The following PSPH variants were observed in gnomAD, a reference collection of about 807,000 sequenced individuals.
PSPH encodes the protein phosphoserine phosphatase, also known as L-3-phosphoserine phosphatase.
In PSPH, 16 loss-of-function variants were observed where a neutral mutation model predicts 23.4. The observed-to-expected ratio is 0.68, with a 90% confidence interval of 0.46 to 1.04. The LOEUF is 1.04. Among genes scored for constraint, PSPH ranks in the 50% least tolerant of loss-of-function variants. The probability of loss-of-function intolerance (pLI) is 0.00; values close to 1 mark genes in which losing one functional copy is unlikely to be tolerated. For missense variants in PSPH, 223 were observed against 273.7 expected, an observed-to-expected ratio of 0.81 and a Z score of 1.31; for synonymous variants, 68 against 99.7, an observed-to-expected ratio of 0.68 and a Z score of 1.89.
At chr7:56,019,969 C>T (rs562927692) in intron 4 of PSPH, among the ~76,000 whole-genome samples, 3 of 93,026 alleles carry the variant, frequency 3.2e-5, no homozygotes, top group African/African-American at 2.9e-4. Flanking sequence ...TAATCCCAAA[C>T]ACTTTGGGAA....
At chr7:56,029,260 G>C (rs1428857397) in intron 3 of PSPH, among the ~76,000 whole-genome samples, 10 of 152,112 alleles carry the variant, frequency 6.6e-5, no homozygotes, top group Admixed American at 5.3e-4. Context: ...TCCACACACA[G>C]AAAAATCATT....
At chr7:56,039,437 A>T (rs571330751) in intron 1 of PSPH, among the ~76,000 whole-genome samples, 1 of 152,226 alleles carries the variant, frequency 6.6e-6, no homozygotes, top group East Asian at 1.9e-4. Context: ...TGTGTGTATA[A>T]AATATTTGCT....
rs1169358039 is a variant in PSPH, at chr7:56,011,833, GC to G, written c.606del (p.Arg202SerfsTer16). On this transcript the variant is annotated frameshift_variant, in exon 8 of 8. Transcript: ENST00000275605. LOFTEE classifies it high-confidence loss of function. ...CATTTGGCGTTATCCTTGACTTGTTGCCTGATCACATTTCCTCCAAATCCAA... is the reference window on the plus strand; with the variant it reads ...CATTTGGCGTTATCCTTGACTTGTTGCTGATCACATTTCCTCCAAATCCAA... ...AFIGFGGNVI[R>X]QQVKDNAKWY... The G allele has an allele frequency of 3.7e-6, 6 of 1,612,974 alleles. No homozygotes were observed. The African/African-American group carries it at 8.0e-5, about 22-fold the overall frequency.
chr7:56,011,768 T>C lies in PSPH; in HGVS notation c.672A>G (p.Glu224=), dbSNP rs771211504. ...AGCTGTACGACAATGGATGTTATTC[T>C]TCCAGTTCTCCCAGCAGCTCTACAA... ...TDFVELLGEL[E]E Residue 224 remains glutamate (E), a synonymous_variant, in exon 8 of 8, where the codon GAA becomes GAG. Coordinates refer to ENST00000275605, the MANE Select transcript of PSPH (RefSeq NM_004577.4). The C allele has an allele frequency of 7.5e-6, 12 of 1,609,924 alleles. No individual in the cohort carries two copies. The East Asian group carries it at 2.2e-4, about 30-fold the overall frequency.
chr7:56,019,488 AAAAT>A, intron 5 of PSPH, 108 bp downstream of exon 5: 1 of 1,331,868 alleles, frequency 7.5e-7, no homozygotes, highest in South Asian at 1.7e-5. Context: ...AATGAAAATG[AAAAT>A]AAATAAACCA....
At chr7:56,025,756 G>A (rs1790104154) in intron 3 of PSPH, among the ~76,000 whole-genome samples, 1 of 152,052 alleles carries the variant, frequency 6.6e-6, no homozygotes, top group Admixed American at 6.6e-5. Context: ...ACCACATCCA[G>A]CTAATTTTTG....
intron 1 of PSPH, among the ~76,000 whole-genome samples, chr7:56,042,778 G>A (rs1311981758): frequency 2.6e-5 from 4 of 152,056 alleles, no homozygotes; most frequent in East Asian, 1.9e-4. Flanking sequence ...GAGCCTAGGC[G>A]TTCAGATCCA....
intron 1 of PSPH, among the ~76,000 whole-genome samples, chr7:56,039,452 A>G (rs538606127): frequency 6.6e-6 from 1 of 152,154 alleles, no homozygotes; most frequent in South Asian, 2.1e-4. Flanking sequence ...TTTGCTAACA[A>G]TTGTAATATT....
intron 7 of PSPH, among the ~76,000 whole-genome samples, chr7:56,013,792 A>T (rs1244267561): frequency 1.3e-5 from 2 of 152,118 alleles, no homozygotes; most frequent in African/African-American, 4.8e-5. Flanking sequence ...CAGGTAAATC[A>T]TATAATCTCT....
intron 1 of PSPH, among the ~76,000 whole-genome samples, chr7:56,040,881 C>G (rs1205717348): frequency 6.6e-6 from 1 of 151,936 alleles, no homozygotes; most frequent in Non-Finnish European, 1.5e-5. Context: ...AGCAGGGATA[C>G]AAAGAACTGA....
At chr7:56,021,432 T>C (rs934952867) in intron 3 of PSPH, among the ~76,000 whole-genome samples, 1 of 151,308 alleles carries the variant, frequency 6.6e-6, no homozygotes, top group Non-Finnish European at 1.5e-5. Context: ...TTTCTTTTTT[T>C]TTTTTAGGTG....
intron 1 of PSPH, among the ~76,000 whole-genome samples, chr7:56,047,912 G>A (rs949077030): frequency 3.3e-5 from 5 of 152,042 alleles, no homozygotes; most frequent in South Asian, 2.1e-4. Flanking sequence ...ACGATCCGCC[G>A]GCCTTGGCCT....
intron 7 of PSPH, 74 bp from the exon 8 acceptor site, chr7:56,011,943 T>A: frequency 2.4e-6 from 3 of 1,237,528 alleles, no homozygotes; most frequent in Non-Finnish European, 3.4e-6. Flanking sequence ...TCTCGCTCTG[T>A]CACCCAGGCT....
At chr7:56,015,192 A>T (rs956879408) in intron 6 of PSPH, 21 bp from the exon 7 acceptor site, 1 of 1,613,192 alleles carries the variant, frequency 6.2e-7, no homozygotes, top group Non-Finnish European at 8.5e-7. Context: ...AAATAAAAAT[A>T]GGGTTAAAGA....
intron 1 of PSPH, among the ~76,000 whole-genome samples, chr7:56,034,787 A>G (rs1000762907): frequency 6.6e-6 from 1 of 152,146 alleles, no homozygotes; most frequent in Non-Finnish European, 1.5e-5. Flanking sequence ...AAGTGCTGGG[A>G]TTACAGGCGT....
chr7:56,034,146 T>G (rs1254689109), intron 1 of PSPH, 40 bp from the exon 2 acceptor site: 1 of 152,332 alleles, frequency 6.6e-6, no homozygotes, highest in Non-Finnish European at 1.5e-5. Context: ...CTGCAAGTGC[T>G]TCTGTAAACT....
intron 1 of PSPH, among the ~76,000 whole-genome samples, chr7:56,048,721 G>A (rs1346758606): frequency 2.6e-5 from 4 of 151,374 alleles, no homozygotes; most frequent in African/African-American, 7.3e-5. Context: ...TGCAACCTCC[G>A]CCTCCTGGGT....
At chr7:56,049,772 G>A (rs1344782005) in intron 1 of PSPH, among the ~76,000 whole-genome samples, 1 of 147,408 alleles carries the variant, frequency 6.8e-6, no homozygotes, top group Admixed American at 6.8e-5. Flanking sequence ...GAGGAATCTC[G>A]CTCTGTTGCC....
intron 3 of PSPH, among the ~76,000 whole-genome samples, chr7:56,030,302 G>T (rs933935835): frequency 4.9e-4 from 75 of 151,830 alleles, no homozygotes; most frequent in African/African-American, 1.8e-3. Flanking sequence ...TGGAGATGGG[G>T]TTTCACCATG....
Sources: allele counts gnomAD v4.1 joint callset (sites outside exome capture counted in the v4.1 genomes callset), GRCh38; gene constraint gnomAD v4.1.1; transcripts MANE v1.5; gene names NCBI Gene and HGNC (gene_info 2026-07-23, HGNC 2026-07-21).